The following LRMDA variants were observed in gnomAD, a reference collection of about 807,000 sequenced individuals.
LRMDA encodes leucine-rich melanocyte differentiation-associated protein.
LRMDA carries 18 observed loss-of-function variants against 29.8 expected under a neutral mutation model. That is an observed-to-expected ratio of 0.60 (90% CI 0.42 to 0.90). The LOEUF is 0.90. LRMDA is among the 40% of genes least tolerant of loss of function. The probability of loss-of-function intolerance (pLI) is 0.00; values close to 1 mark genes in which losing one functional copy is unlikely to be tolerated. For missense variants in LRMDA, 273 were observed against 273.9 expected, an observed-to-expected ratio of 1.00 and a Z score of 0.02; for synonymous variants, 125 against 109.4, an observed-to-expected ratio of 1.14 and a Z score of -0.89.
intron 2 of LRMDA, among the ~76,000 whole-genome samples, chr10:76,008,357 G>A (rs1847710943): frequency 6.6e-6 from 1 of 152,166 alleles, no homozygotes; most frequent in Admixed American, 6.5e-5. Flanking sequence ...AAGGCTGGAG[G>A]GGCTTTACTG....
At chr10:75,868,206 T>C (rs1845051704) in intron 2 of LRMDA, among the ~76,000 whole-genome samples, 1 of 152,094 alleles carries the variant, frequency 6.6e-6, no homozygotes, top group South Asian at 2.1e-4. Context: ...ATTAAGTTCA[T>C]GGCCTATTCA....
intron 5 of LRMDA, among the ~76,000 whole-genome samples, chr10:76,064,932 T>C (rs1321238235): frequency 6.6e-6 from 1 of 152,230 alleles, no homozygotes; most frequent in Non-Finnish European, 1.5e-5. Flanking sequence ...ATGATTTTTT[T>C]TTCTGTTTTC....
chr10:76,210,370 A>T (rs1851614175), intron 5 of LRMDA, among the ~76,000 whole-genome samples: 1 of 152,232 alleles, frequency 6.6e-6, no homozygotes, highest in South Asian at 2.1e-4. Flanking sequence ...TCACAAATAC[A>T]TAATTCAGCA....
intron 5 of LRMDA, among the ~76,000 whole-genome samples, chr10:76,074,884 A>G (rs923602664): frequency 2.6e-5 from 4 of 152,298 alleles, no homozygotes; most frequent in East Asian, 1.9e-4. Flanking sequence ...GTCTCCATTC[A>G]CTGATAACTC....
intron 5 of LRMDA, among the ~76,000 whole-genome samples, chr10:76,199,915 C>A (rs1262251991): frequency 6.6e-6 from 1 of 152,054 alleles, no homozygotes; most frequent in East Asian, 1.9e-4. Context: ...TATGGTACAC[C>A]GATCAATTAA....
chr10:75,458,443 A>G (rs916593287), intron 2 of LRMDA, among the ~76,000 whole-genome samples: 5 of 144,866 alleles, frequency 3.5e-5, no homozygotes, highest in African/African-American at 1.2e-4. Context: ...AACATTTTCC[A>G]ATTCAATTAT....
intron 2 of LRMDA, among the ~76,000 whole-genome samples, chr10:75,582,215 G>T (rs796910614): frequency 1.3e-5 from 2 of 152,218 alleles, no homozygotes; most frequent in African/African-American, 4.8e-5. Flanking sequence ...TCTGTGTGGG[G>T]GCTCCAACTT....
chr10:75,666,819 A>G (rs573291606), intron 2 of LRMDA, among the ~76,000 whole-genome samples: 2 of 152,322 alleles, frequency 1.3e-5, no homozygotes, highest in African/African-American at 4.8e-5. Flanking sequence ...AGATGGGTCC[A>G]GTACTACTTA....
At position 75,906,591 on chromosome 10, in the gene LRMDA, C is replaced by T. The variant is rs114915906; in HGVS notation, c.132-129417C>T. On this transcript the variant is annotated intron_variant, in intron 2 of 6. Transcript: ENST00000611255. ...TGTTGCAGCTCTTTTACAATCCTGT[C>T]TTGTTTCCCTGTGTGTTTATATGTA... Among the ~76,000 whole-genome samples, 691 of 152,324 alleles carry T rather than the reference C, an allele frequency of 4.5e-3. 5 individuals are homozygous for T. Among genetic ancestry groups the T allele is most frequent in the African/African-American group, 0.016 (649 of 41,574 alleles).
At chr10:75,981,245 A>G (rs1168657331) in intron 2 of LRMDA, among the ~76,000 whole-genome samples, 1 of 152,142 alleles carries the variant, frequency 6.6e-6, no homozygotes, top group Non-Finnish European at 1.5e-5. Context: ...ATTTAAGTCC[A>G]TTTGTCTGAC....
At chr10:75,872,584 G>A (rs1463282620) in intron 2 of LRMDA, among the ~76,000 whole-genome samples, 2 of 152,210 alleles carry the variant, frequency 1.3e-5, no homozygotes, top group African/African-American at 2.4e-5. Context: ...GATTACAGGT[G>A]TGAGCCACTG....
intron 2 of LRMDA, among the ~76,000 whole-genome samples, chr10:75,993,788 A>G (rs1564625281): frequency 6.6e-6 from 1 of 151,904 alleles, no homozygotes; most frequent in Non-Finnish European, 1.5e-5. Flanking sequence ...TATTATTGGT[A>G]CGTGGTGGAG....
intron 5 of LRMDA, among the ~76,000 whole-genome samples, chr10:76,275,352 G>A (rs1005869752): frequency 6.6e-6 from 1 of 151,220 alleles, no homozygotes; most frequent in Non-Finnish European, 1.5e-5. Context: ...TTCATTCTTT[G>A]TATCATTTTT....
At chr10:75,486,355 GT>G (rs1844912952) in intron 2 of LRMDA, among the ~76,000 whole-genome samples, 1 of 152,098 alleles carries the variant, frequency 6.6e-6, no homozygotes, top group African/African-American at 2.4e-5. Flanking sequence ...TACACTTCTT[GT>G]AGTTCTTGTT....
At chr10:76,079,304 G>A (rs1849013112) in intron 5 of LRMDA, among the ~76,000 whole-genome samples, 1 of 152,192 alleles carries the variant, frequency 6.6e-6, no homozygotes, top group Non-Finnish European at 1.5e-5. Flanking sequence ...ATTGCCGTTT[G>A]ATCTGACTGT....
chr10:75,661,138 C>T (rs776957461), intron 2 of LRMDA, among the ~76,000 whole-genome samples: 3 of 152,160 alleles, frequency 2.0e-5, no homozygotes, highest in Non-Finnish European at 4.4e-5. Flanking sequence ...TTGAGGCACA[C>T]GGGCTGGGGG....
chr10:75,820,610 A>G (rs912931946), intron 2 of LRMDA, among the ~76,000 whole-genome samples: 1 of 152,202 alleles, frequency 6.6e-6, no homozygotes, highest in Non-Finnish European at 1.5e-5. Context: ...AGAACAAACT[A>G]GAAAAACAAG....
intron 5 of LRMDA, among the ~76,000 whole-genome samples, chr10:76,082,596 A>T (rs978817143): frequency 6.6e-6 from 1 of 152,060 alleles, no homozygotes; most frequent in African/African-American, 2.4e-5. Context: ...GCTGAATGAG[A>T]TCAGACTTTG....
At chr10:76,238,629 A>C (rs1852207408) in intron 5 of LRMDA, among the ~76,000 whole-genome samples, 1 of 152,128 alleles carries the variant, frequency 6.6e-6, no homozygotes, top group Non-Finnish European at 1.5e-5. Context: ...TGACTTTCCT[A>C]ACGTCCCTAA....
Sources: allele counts gnomAD v4.1 joint callset (sites outside exome capture counted in the v4.1 genomes callset), GRCh38; gene constraint gnomAD v4.1.1; transcripts MANE v1.5; gene names NCBI Gene and HGNC (gene_info 2026-07-23, HGNC 2026-07-21).